Variants in HCRTR2 observed in about 807,000 individuals in gnomAD.
The protein encoded by HCRTR2 is hypocretin receptor 2, also known as orexin receptor type 2.
In HCRTR2, 22 loss-of-function variants were observed where a neutral mutation model predicts 49.0. That is an observed-to-expected ratio of 0.45 (90% CI 0.32 to 0.64). The LOEUF (loss-of-function observed/expected upper bound fraction) is 0.64. Ranked by LOEUF, HCRTR2 falls within the 30% of genes least tolerant of loss-of-function variation. The pLI is 0.04. For synonymous variants in HCRTR2, 236 were observed against 205.3 expected, an observed-to-expected ratio of 1.15 and a Z score of -1.28; for missense variants, 491 against 559.4, an observed-to-expected ratio of 0.88 and a Z score of 1.23.
intron 1 of HCRTR2, among the ~76,000 whole-genome samples, chr6:55,189,093 T>C (rs919369031): frequency 6.6e-6 from 1 of 152,222 alleles, no homozygotes; most frequent in Admixed American, 6.5e-5. Flanking sequence ...CTTAATCTCC[T>C]CTACTGCTTT....
At chr6:55,280,589 T>G (rs1162456032) in intron 6 of HCRTR2, 145 bp downstream of exon 6, 1 of 1,098,572 alleles carries the variant, frequency 9.1e-7, no homozygotes, top group Non-Finnish European at 1.3e-6. Flanking sequence ...TTCTTCTCTT[T>G]TGAGGCAAAG....
intron 1 of HCRTR2, among the ~76,000 whole-genome samples, chr6:55,230,584 GATTA>G (rs1463396251): frequency 2.6e-5 from 4 of 152,250 alleles, no homozygotes; most frequent in African/African-American, 4.8e-5. Context: ...GACTGACATA[GATTA>G]ATTACTACAT....
At chr6:55,121,863 C>T (rs1764204865) in intron 1 of HCRTR2, among the ~76,000 whole-genome samples, 1 of 152,054 alleles carries the variant, frequency 6.6e-6, no homozygotes, top group African/African-American at 2.4e-5. Context: ...TTTGGTTTGC[C>T]AGTATTTTAT....
intron 1 of HCRTR2, among the ~76,000 whole-genome samples, chr6:55,212,274 T>C (rs1309072468): frequency 1.3e-5 from 2 of 152,154 alleles, no homozygotes; most frequent in African/African-American, 4.8e-5. Context: ...AATTTGGAAA[T>C]GACTCCAAAG....
At chr6:55,173,848 A>T (rs1007747140), upstream of HCRTR2, among the ~76,000 whole-genome samples, 2 of 152,246 alleles carry the variant, frequency 1.3e-5, no homozygotes, top group South Asian at 2.1e-4. Flanking sequence ...GAAGACGGAG[A>T]TGTCTTAAAG....
intron 1 of HCRTR2, among the ~76,000 whole-genome samples, chr6:55,192,412 C>A (rs988747964): frequency 1.6e-5 from 1 of 64,482 alleles, no homozygotes; most frequent in Admixed American, 1.8e-4. Flanking sequence ...CGCGCGCGCG[C>A]GCACACACAC....
intron 1 of HCRTR2, among the ~76,000 whole-genome samples, chr6:55,176,421 CCTT>C (rs530151732): frequency 1.3e-5 from 2 of 152,256 alleles, no homozygotes; most frequent in Admixed American, 1.3e-4. Flanking sequence ...ATCTTGCTTT[CCTT>C]CTTCTTGTTA....
chr6:55,138,470 A>T (rs988007608), intron 1 of HCRTR2, among the ~76,000 whole-genome samples: 7 of 152,342 alleles, frequency 4.6e-5, no homozygotes, highest in African/African-American at 1.7e-4. Context: ...ACTGCTTAAA[A>T]CATGTGGCCA....
chr6:55,203,924 G>C (rs567208821), intron 1 of HCRTR2, among the ~76,000 whole-genome samples: 1 of 151,886 alleles, frequency 6.6e-6, no homozygotes, highest in Non-Finnish European at 1.5e-5. Context: ...AAGGGTTTGC[G>C]TAGAGAAATA....
At chr6:55,142,648 A>G (rs1352986881) in intron 1 of HCRTR2, among the ~76,000 whole-genome samples, 2 of 152,012 alleles carry the variant, frequency 1.3e-5, no homozygotes, top group African/African-American at 2.4e-5. Context: ...AGAAAACATC[A>G]TTTTTGTTGT....
chr6:55,191,429 A>T (rs1310473337), intron 1 of HCRTR2, among the ~76,000 whole-genome samples: 2 of 152,166 alleles, frequency 1.3e-5, no homozygotes, highest in African/African-American at 2.4e-5. Context: ...TGTCCTTTAA[A>T]TTATTAAAAT....
intron 1 of HCRTR2, among the ~76,000 whole-genome samples, chr6:55,134,371 TATG>T (rs1001772273): frequency 8.6e-5 from 13 of 151,910 alleles, no homozygotes; most frequent in African/African-American, 3.1e-4. Context: ...AAATTTATAA[TATG>T]ATAACTGGAT....
chr6:55,239,049 G>A (rs890576587), intron 1 of HCRTR2, among the ~76,000 whole-genome samples: 2 of 152,122 alleles, frequency 1.3e-5, no homozygotes, highest in Non-Finnish European at 2.9e-5. Flanking sequence ...CACTGGGAAC[G>A]GGGACTTGTA....
In HCRTR2 at chr6:55,214,095, G is replaced by C. The variant is rs577066583; in HGVS notation, c.224-34544G>C. Among the ~76,000 whole-genome samples the C allele has an allele frequency of 2.0e-5, 3 of 152,242 alleles. No individual in the cohort carries two copies. In the South Asian group the frequency reaches 6.2e-4, roughly 32 times the overall value. On this transcript the variant is annotated intron_variant, in intron 1 of 6. Coordinates refer to ENST00000370862, the MANE Select transcript of HCRTR2 (RefSeq NM_001384272.1). Reference sequence around the variant, plus strand: ...AAAGAGAGCTAGGCAACTTTCAGCAGCTCCAGAAGAACTGTGGTACCACAG... The same window carrying C: ...AAAGAGAGCTAGGCAACTTTCAGCACCTCCAGAAGAACTGTGGTACCACAG...
rs559587556 is a variant in HCRTR2 at position 55,209,890 on chromosome 6, T to A, written c.223+35080T>A. Among the ~76,000 whole-genome samples, 5 of 152,284 alleles carry A rather than the reference T, an allele frequency of 3.3e-5. No homozygotes were observed. The South Asian group carries it at 1.0e-3, about 32-fold the overall frequency. On this transcript the variant is annotated intron_variant, in intron 1 of 6. Transcript: ENST00000370862. Reference sequence around the variant, plus strand: ...TCCAGTGAGTTTATTTACAAAACATTTAATGTCATTTGCGTCTTCGAAGAA... The same window carrying A: ...TCCAGTGAGTTTATTTACAAAACATATAATGTCATTTGCGTCTTCGAAGAA...
At chr6:55,116,525 AG>A (rs1764119104) in intron 1 of HCRTR2, among the ~76,000 whole-genome samples, 1 of 151,394 alleles carries the variant, frequency 6.6e-6, no homozygotes, top group Non-Finnish European at 1.5e-5. Flanking sequence ...AGAGGGAAGA[AG>A]GGAGAAGCAA....
intron 1 of HCRTR2, among the ~76,000 whole-genome samples, chr6:55,122,090 T>C (rs1236706869): frequency 1.3e-5 from 2 of 152,186 alleles, no homozygotes; most frequent in African/African-American, 2.4e-5. Flanking sequence ...ATCCATCTGG[T>C]CCTGGACTTT....
intron 1 of HCRTR2, among the ~76,000 whole-genome samples, chr6:55,219,700 A>G (rs1765853856): frequency 6.6e-6 from 1 of 151,918 alleles, no homozygotes; most frequent in African/African-American, 2.4e-5. Flanking sequence ...GGAAATAATA[A>G]AAATTAGAAA....
At chr6:55,148,454 C>T (rs1325619603) in intron 1 of HCRTR2, among the ~76,000 whole-genome samples, 1 of 152,082 alleles carries the variant, frequency 6.6e-6, no homozygotes, top group African/African-American at 2.4e-5. Flanking sequence ...ATTCCTTGCT[C>T]TTATATCAGA....
Sources: allele counts gnomAD v4.1 joint callset (sites outside exome capture counted in the v4.1 genomes callset), GRCh38; gene constraint gnomAD v4.1.1; transcripts MANE v1.5; gene names NCBI Gene and HGNC (gene_info 2026-07-23, HGNC 2026-07-21).